CNGB3: variants seen among roughly 807,000 people sequenced by gnomAD.
CNGB3 encodes the protein cyclic nucleotide-gated channel beta-3.
CNGB3 carries 86 observed loss-of-function variants against 92.8 expected under a neutral mutation model. The ratio of observed to expected loss-of-function variants is 0.93; its 90% CI spans 0.78 to 1.11. CNGB3 has a LOEUF of 1.11. Ranked by LOEUF, CNGB3 falls within the 50% of genes least tolerant of loss-of-function variation. CNGB3 has a pLI of 0.00. For synonymous variants in CNGB3, 333 were observed against 332.7 expected (o/e 1.00, Z -0.01); for missense variants, 1,026 against 956.8 (o/e 1.07, Z -0.95).
At chr8:86,657,665 C>T (rs1403079637) in intron 6 of CNGB3, 1 of 435,682 alleles carries the variant, frequency 2.3e-6, no homozygotes, top group Non-Finnish European at 4.6e-6. Flanking sequence ...CAACAGGGTT[C>T]TTGGCAGCTG....
intron 3 of CNGB3, among the ~76,000 whole-genome samples, chr8:86,687,181 T>C (rs917041586): frequency 2.0e-5 from 3 of 152,032 alleles, no homozygotes; most frequent in Admixed American, 1.3e-4. Flanking sequence ...TTGTTGGGAA[T>C]ATGAGATGGT....
At chr8:86,645,359 A>C (rs1176502050) in intron 8 of CNGB3, among the ~76,000 whole-genome samples, 1 of 151,174 alleles carries the variant, frequency 6.6e-6, no homozygotes. Flanking sequence ...TTCTATAGGC[A>C]GTAAAGTATG....
Position 86,638,950 on chromosome 8 carries a change from T to TTC in CNGB3, c.1178+4799_1178+4800dup, listed in dbSNP as rs1268849172. 7.2e-5 allele frequency among the ~76,000 whole-genome samples: 11 copies of TTC among 151,930 alleles called. No individual in the cohort carries two copies. The South Asian group carries it at 1.9e-3, about 26-fold the overall frequency. ...TCCCTTTCCCCCCTCCTCCCTTTCC[T>TTC]TCTCTCTCTCTGCCATTGTCTGATC... On this transcript the variant is annotated intron_variant, in intron 10 of 17. Coordinates refer to ENST00000320005, the MANE Select transcript of CNGB3 (RefSeq NM_019098.5).
intron 3 of CNGB3, among the ~76,000 whole-genome samples, chr8:86,720,740 AC>A (rs1824950764): frequency 5.3e-5 from 8 of 151,752 alleles, no homozygotes; most frequent in Admixed American, 5.3e-4. Flanking sequence ...AAAATATGGA[AC>A]CAACCCAAAT....
intron 11 of CNGB3, among the ~76,000 whole-genome samples, chr8:86,631,515 A>G (rs1035986098): frequency 1.1e-4 from 16 of 152,208 alleles, no homozygotes; most frequent in Non-Finnish European, 8.8e-5. Context: ...TTCGTAAAAC[A>G]GAGAAAAAAT....
intron 13 of CNGB3, among the ~76,000 whole-genome samples, chr8:86,623,024 C>G (rs1822772273): frequency 6.6e-6 from 1 of 152,158 alleles, no homozygotes; most frequent in South Asian, 2.1e-4. Context: ...CCTAACCATT[C>G]TACTATACAG....
intron 3 of CNGB3, among the ~76,000 whole-genome samples, chr8:86,674,027 T>C (rs150462964): frequency 6.6e-6 from 1 of 152,338 alleles, no homozygotes; most frequent in African/African-American, 2.4e-5. Context: ...CAGCACAACG[T>C]AGGTTTTAAT....
chr8:86,593,109 T>C (rs1451423375), intron 15 of CNGB3, among the ~76,000 whole-genome samples: 1 of 152,204 alleles, frequency 6.6e-6, no homozygotes, highest in Admixed American at 6.5e-5. Flanking sequence ...TGTCTGCACA[T>C]ACAGATTTTT....
intron 6 of CNGB3, among the ~76,000 whole-genome samples, chr8:86,655,412 CA>C (rs1297067814): frequency 2.4e-4 from 37 of 152,206 alleles, no homozygotes; most frequent in Middle Eastern, 3.2e-3. Flanking sequence ...ATCCCAGAAA[CA>C]GAACCCACTC....
chr8:86,634,159 A>G (rs1294087436), intron 10 of CNGB3, among the ~76,000 whole-genome samples: 1 of 152,174 alleles, frequency 6.6e-6, no homozygotes, highest in Non-Finnish European at 1.5e-5. Context: ...CTATGGTTTG[A>G]TTTTATGATG....
In CNGB3 at chr8:86,611,579, T is replaced by C. The variant is rs753951890; in HGVS notation, c.1662+9A>G. 3.1e-6 allele frequency: 5 copies of C among 1,604,764 alleles called. No homozygotes were observed. The highest frequency in any genetic ancestry group is 3.4e-6 in the Non-Finnish European group (4 of 1,171,682). On this transcript the variant is annotated intron_variant, in intron 14 of 17. Coordinates refer to ENST00000320005, the MANE Select transcript of CNGB3 (RefSeq NM_019098.5). ...TTAGTTGTGCATTTGAAAAATAGCA[T>C]GCACTCACCTTTTTGCAGACAAAGT...
At chr8:86,581,005 T>G (rs1450037151) in intron 15 of CNGB3, among the ~76,000 whole-genome samples, 1 of 151,816 alleles carries the variant, frequency 6.6e-6, no homozygotes, top group Non-Finnish European at 1.5e-5. Flanking sequence ...ACAACTTCTG[T>G]TGTTGCAGAA....
intron 12 of CNGB3, 65 bp downstream of exon 12, chr8:86,628,854 C>A: frequency 6.4e-7 from 1 of 1,553,738 alleles, no homozygotes; most frequent in African/African-American, 1.4e-5. Context: ...GTCTCTGCTA[C>A]CTTACAGAAT....
chr8:86,738,780 G>A (rs1825289506), intron 2 of CNGB3, among the ~76,000 whole-genome samples: 1 of 149,430 alleles, frequency 6.7e-6, no homozygotes, highest in African/African-American at 2.5e-5. Context: ...GGTGGAGCTT[G>A]CAGTGAGCCG....
intron 13 of CNGB3, among the ~76,000 whole-genome samples, chr8:86,620,876 T>G (rs1288158673): frequency 1.3e-5 from 2 of 150,988 alleles, no homozygotes; most frequent in Non-Finnish European, 2.9e-5. Flanking sequence ...ACCTACATAT[T>G]TTCTATTTCA....
At chr8:86,614,681 C>G (rs542398556) in intron 13 of CNGB3, among the ~76,000 whole-genome samples, 4 of 152,014 alleles carry the variant, frequency 2.6e-5, no homozygotes, top group Non-Finnish European at 5.9e-5. Flanking sequence ...AAACTGGACA[C>G]GGGTCAGACG....
In CNGB3 at chr8:86,733,395, G is replaced by C. The variant is rs1449875376; in HGVS notation, c.211+6260C>G. On this transcript the variant is annotated intron_variant, in intron 2 of 17. Coordinates refer to ENST00000320005, the MANE Select transcript of CNGB3 (RefSeq NM_019098.5). ...TCTTTGCTATTGTGAATATCACAGT[G>C]ATGAACATACAAGAATGCATGTGTC... is the stretch of plus-strand genomic sequence containing the variant. Among the ~76,000 whole-genome samples, 4 of 152,296 alleles carry C rather than the reference G, an allele frequency of 2.6e-5. No homozygotes were observed. The East Asian group carries it at 7.7e-4, about 29-fold the overall frequency.
chr8:86,732,661 C>A (rs778730467), intron 2 of CNGB3, among the ~76,000 whole-genome samples: 16 of 152,168 alleles, frequency 1.1e-4, no homozygotes, highest in Non-Finnish European at 2.2e-4. Context: ...TCTTGCCAAA[C>A]CAGCACAATT....
At chr8:86,690,596 C>A (rs1238822552) in intron 3 of CNGB3, among the ~76,000 whole-genome samples, 1 of 152,100 alleles carries the variant, frequency 6.6e-6, no homozygotes, top group Non-Finnish European at 1.5e-5. Context: ...GCTTTTGTTG[C>A]CATTGCTTTT....
Sources: allele counts gnomAD v4.1 joint callset (sites outside exome capture counted in the v4.1 genomes callset), GRCh38; gene constraint gnomAD v4.1.1; transcripts MANE v1.5; gene names NCBI Gene and HGNC (gene_info 2026-07-23, HGNC 2026-07-21).